Variants in LHFPL6 observed in about 807,000 individuals in gnomAD.
LHFPL6 encodes LHFPL tetraspan subfamily member 6 protein.
LHFPL6 carries 9 observed loss-of-function variants against 20.6 expected under a neutral mutation model. That is an observed-to-expected ratio of 0.44 (90% CI 0.26 to 0.76). The LOEUF (loss-of-function observed/expected upper bound fraction) is 0.76. Among genes scored for constraint, LHFPL6 ranks in the 30% least tolerant of loss-of-function variants. LHFPL6 has a pLI of 0.20. For synonymous variants in LHFPL6, 105 were observed against 98.7 expected (o/e 1.06, Z -0.38); for missense variants, 218 against 253.5 (o/e 0.86, Z 0.95).
intron 2 of LHFPL6, among the ~76,000 whole-genome samples, chr13:39,463,203 T>G (rs771479672): frequency 2.6e-5 from 4 of 152,160 alleles, no homozygotes; most frequent in Non-Finnish European, 5.9e-5. Context: ...TCCCTTCATT[T>G]ATATGTTTGG....
At chr13:39,508,594 T>C (rs1279518920) in intron 2 of LHFPL6, among the ~76,000 whole-genome samples, 1 of 152,212 alleles carries the variant, frequency 6.6e-6, no homozygotes, top group Non-Finnish European at 1.5e-5. Context: ...ATGTACTCTT[T>C]TTGTTTTGCT....
At chr13:39,599,601 A>C (rs1028550264) in intron 2 of LHFPL6, among the ~76,000 whole-genome samples, 5 of 152,270 alleles carry the variant, frequency 3.3e-5, no homozygotes, top group African/African-American at 1.2e-4. Context: ...GAACAAAGTT[A>C]CATCAGTAAG....
intron 2 of LHFPL6, among the ~76,000 whole-genome samples, chr13:39,471,840 C>G (rs1231435306): frequency 6.6e-6 from 1 of 152,108 alleles, no homozygotes; most frequent in Non-Finnish European, 1.5e-5. Flanking sequence ...GATAATCATT[C>G]CCATTTATTG....
intron 2 of LHFPL6, among the ~76,000 whole-genome samples, chr13:39,450,548 G>GAT (rs1872413493): frequency 6.6e-6 from 1 of 152,104 alleles, no homozygotes; most frequent in Non-Finnish European, 1.5e-5. Context: ...TATATAAAGA[G>GAT]ATATCTGTGT....
chr13:39,429,528 T>C (rs1219245938), intron 2 of LHFPL6, among the ~76,000 whole-genome samples: 1 of 152,194 alleles, frequency 6.6e-6, no homozygotes, highest in Non-Finnish European at 1.5e-5. Flanking sequence ...AGGCAACATA[T>C]AGTTAGGTCT....
intron 2 of LHFPL6, among the ~76,000 whole-genome samples, 200 bp downstream of exon 2, chr13:39,600,632 A>G (rs1279666038): frequency 6.6e-6 from 1 of 152,268 alleles, no homozygotes; most frequent in Non-Finnish European, 1.5e-5. Context: ...ATGTACAGAA[A>G]TTAAGAACTC....
chr13:39,358,310 C>T (rs2147130), intron 3 of LHFPL6, among the ~76,000 whole-genome samples: 128,234 of 152,174 alleles, frequency 0.84, 55,030 homozygotes, highest in Non-Finnish European at 0.93. Flanking sequence ...ATTCCCTATT[C>T]GATAAATGGT....
At chr13:39,564,652 T>C (rs1871654741) in intron 2 of LHFPL6, among the ~76,000 whole-genome samples, 1 of 152,208 alleles carries the variant, frequency 6.6e-6, no homozygotes, top group African/African-American at 2.4e-5. Flanking sequence ...GGGAAATATG[T>C]AAGTCAAAAG....
In LHFPL6 at chr13:39,481,710, G is replaced by A. The variant is rs573979710; in HGVS notation, c.386-103184C>T. Among the ~76,000 whole-genome samples the A allele has an allele frequency of 7.9e-5, 12 of 152,296 alleles. No individual in the cohort carries two copies. The South Asian group carries it at 2.5e-3, about 32-fold the overall frequency. ...AAGGGGGCGGGAGACTGATTCAGGAGGCATCCGCAGGAACTGGCAAGGATC... is the reference window on the plus strand; with the variant it reads ...AAGGGGGCGGGAGACTGATTCAGGAAGCATCCGCAGGAACTGGCAAGGATC... On this transcript the variant is annotated intron_variant, in intron 2 of 3. Coordinates refer to ENST00000379589, the MANE Select transcript of LHFPL6 (RefSeq NM_005780.3).
At position 39,596,397 on chromosome 13, in the gene LHFPL6, G is replaced by A. The variant is rs560890480; in HGVS notation, c.385+4435C>T. On this transcript the variant is annotated intron_variant, in intron 2 of 3. Coordinates refer to ENST00000379589, the MANE Select transcript of LHFPL6 (RefSeq NM_005780.3). Reference sequence around the variant, plus strand: ...GTTAACTCAGAACATGGTTTTCAAGGTGTCATCTCTGAACCAGCAGCAGCA... The same window carrying A: ...GTTAACTCAGAACATGGTTTTCAAGATGTCATCTCTGAACCAGCAGCAGCA... Among the ~76,000 whole-genome samples, 13 of 152,158 alleles carry A rather than the reference G, an allele frequency of 8.5e-5. No homozygotes were observed. The South Asian group carries it at 2.5e-3, about 29-fold the overall frequency.
intron 2 of LHFPL6, among the ~76,000 whole-genome samples, chr13:39,492,342 A>C (rs1868954264): frequency 6.6e-6 from 1 of 152,224 alleles, no homozygotes; most frequent in Non-Finnish European, 1.5e-5. Flanking sequence ...AAAATAGGTA[A>C]TGTTATTTTT....
chr13:39,471,014 A>G (rs1872929944), intron 2 of LHFPL6, among the ~76,000 whole-genome samples: 1 of 152,224 alleles, frequency 6.6e-6, no homozygotes, highest in African/African-American at 2.4e-5. Flanking sequence ...GAGGAAAACC[A>G]TGAACTACAT....
intron 2 of LHFPL6, among the ~76,000 whole-genome samples, chr13:39,551,461 TA>T (rs756415156): frequency 5.3e-5 from 8 of 151,472 alleles, no homozygotes; most frequent in Non-Finnish European, 1.2e-4. Context: ...CATTGGGGAT[TA>T]AATTTCCAAC....
At chr13:39,518,700 A>G (rs1482275187) in intron 2 of LHFPL6, among the ~76,000 whole-genome samples, 1 of 152,172 alleles carries the variant, frequency 6.6e-6, no homozygotes, top group Non-Finnish European at 1.5e-5. Context: ...CAGCTTTTGC[A>G]TCTACTAGAA....
intron 2 of LHFPL6, among the ~76,000 whole-genome samples, chr13:39,523,284 T>A (rs1870169610): frequency 6.6e-6 from 1 of 152,216 alleles, no homozygotes; most frequent in African/African-American, 2.4e-5. Flanking sequence ...AAAAAGTTAG[T>A]GCAGGCCAGG....
At chr13:39,493,932 G>T (rs1443140999) in intron 2 of LHFPL6, among the ~76,000 whole-genome samples, 3 of 152,186 alleles carry the variant, frequency 2.0e-5, no homozygotes, top group Admixed American at 6.5e-5. Context: ...CACTTCACAA[G>T]AAGTTTGCAC....
intron 2 of LHFPL6, among the ~76,000 whole-genome samples, chr13:39,533,036 C>T (rs1870512130): frequency 6.6e-6 from 1 of 152,222 alleles, no homozygotes; most frequent in Non-Finnish European, 1.5e-5. Flanking sequence ...ACTAACCAGT[C>T]CCATTTTAAG....
intron 2 of LHFPL6, among the ~76,000 whole-genome samples, chr13:39,562,250 G>A (rs9576862): frequency 0.021 from 3,158 of 151,550 alleles, 133 homozygotes; most frequent in East Asian, 0.15. Context: ...AAAATGAATC[G>A]AATCAGCTCC....
intron 2 of LHFPL6, among the ~76,000 whole-genome samples, chr13:39,571,826 C>T (rs1302336274): frequency 6.6e-6 from 1 of 152,212 alleles, no homozygotes; most frequent in African/African-American, 2.4e-5. Flanking sequence ...CCACATTCCC[C>T]TCAAGGTGAC....
Sources: allele counts gnomAD v4.1 joint callset (sites outside exome capture counted in the v4.1 genomes callset), GRCh38; gene constraint gnomAD v4.1.1; transcripts MANE v1.5; gene names NCBI Gene and HGNC (gene_info 2026-07-23, HGNC 2026-07-21).